Variants in KDM3A observed in about 807,000 individuals in gnomAD.
KDM3A encodes the protein lysine-specific demethylase 3A.
In KDM3A, 60 loss-of-function variants were observed where a neutral mutation model predicts 158.0. That is an observed-to-expected ratio of 0.38 (90% CI 0.31 to 0.47). The LOEUF (loss-of-function observed/expected upper bound fraction) is 0.47. Among genes scored for constraint, KDM3A ranks in the 20% least tolerant of loss-of-function variants. The pLI is 0.99. For synonymous variants in KDM3A, 608 were observed against 549.3 expected (o/e 1.11, Z -1.49); for missense variants, 1,319 against 1,574.3 (o/e 0.84, Z 2.74).
intron 8 of KDM3A, among the ~76,000 whole-genome samples, chr2:86,463,456 A>G (rs1481414127): frequency 3.3e-5 from 5 of 152,190 alleles, no homozygotes; most frequent in African/African-American, 1.2e-4. Flanking sequence ...GGGAACTGGG[A>G]CAGGTGTCCC....
At chr2:86,480,071 T>TA in intron 15 of KDM3A, 96 bp from the exon 16 acceptor site, 1 of 953,508 alleles carries the variant, frequency 1.0e-6, no homozygotes, top group Non-Finnish European at 1.7e-6. Flanking sequence ...TCTGGATATT[T>TA]ATCTTACTTG....
intron 19 of KDM3A, chr2:86,484,645 C>G: frequency 3.2e-6 from 1 of 314,118 alleles, no homozygotes; most frequent in Non-Finnish European, 5.9e-6. Context: ...TAATAAGCTT[C>G]TAGGAAAGAC....
At position 86,457,079 on chromosome 2, in the gene KDM3A, T is replaced by C; in HGVS notation, c.843+8T>C. 6.8e-7 allele frequency: 1 copy of C among 1,476,446 alleles called. No homozygotes were observed. The highest frequency in any genetic ancestry group is 9.2e-7 in the Non-Finnish European group (1 of 1,081,434). The allele number at this position is 1,476,446 out of a possible 1,614,324, so 91.5% of individuals were successfully genotyped here. A position where few individuals can be genotyped will look rare whatever the true frequency, so the allele number is the denominator to read the frequency against. ...GCAAAATCTTGCTCTGAGGTAACCTTTATTTATGTCACTTGTGTAAAGCTT... is the reference window on the plus strand; with the variant it reads ...GCAAAATCTTGCTCTGAGGTAACCTCTATTTATGTCACTTGTGTAAAGCTT... On this transcript the variant is annotated splice_region_variant and intron_variant, in intron 8 of 25. Transcript: ENST00000312912.
At chr2:86,459,640 C>A (rs534950401) in intron 8 of KDM3A, among the ~76,000 whole-genome samples, 1 of 152,174 alleles carries the variant, frequency 6.6e-6, no homozygotes, top group African/African-American at 2.4e-5. Flanking sequence ...AGTGTGTCAG[C>A]AATGAGAAAG....
Position 86,484,127 on chromosome 2 carries a change from A to C in KDM3A, c.3063A>C (p.Gly1021=). The C allele has an allele frequency of 6.2e-7, 1 of 1,613,916 alleles. No individual in the cohort carries two copies. The highest frequency in any genetic ancestry group is 1.3e-5 in the African/African-American group (1 of 75,024). The change falls in exon 19 of 26, where the codon GGA becomes GGC. Residue 1021 remains glycine (G), a synonymous_variant. Coordinates refer to ENST00000312912, the MANE Select transcript of KDM3A (RefSeq NM_018433.6). The part of the protein sequence containing the change: ...TNEIITGATV[G]DFWDGFEDVP... Reference sequence around the variant, plus strand: ...AAATCATCACAGGAGCCACAGTAGGAGACTTCTGGGATGGATTTGAAGATG... The same window carrying C: ...AAATCATCACAGGAGCCACAGTAGGCGACTTCTGGGATGGATTTGAAGATG...
chr2:86,481,443 G>A (rs1276265525), intron 16 of KDM3A, among the ~76,000 whole-genome samples: 1 of 151,466 alleles, frequency 6.6e-6, no homozygotes, highest in Non-Finnish European at 1.5e-5. Context: ...AGTAGAAGTG[G>A]GGTTTTGCCA....
At chr2:86,491,501 T>G (rs1187501615) in intron 25 of KDM3A, 2 of 537,584 alleles carry the variant, frequency 3.7e-6, no homozygotes, top group Non-Finnish European at 6.7e-6. Context: ...TATAAGGGAC[T>G]GTCCCCACAG....
chr2:86,440,543 C>A (rs1273132192), upstream of KDM3A: 5 of 152,146 alleles, frequency 3.3e-5, no homozygotes, highest in Non-Finnish European at 5.9e-5. Context: ...CTTTAAATTT[C>A]TTTGTAAGTA....
chr2:86,463,429 A>C (rs1174886538), intron 8 of KDM3A, among the ~76,000 whole-genome samples: 1 of 151,864 alleles, frequency 6.6e-6, no homozygotes, highest in Non-Finnish European at 1.5e-5. Context: ...TTTTTTGAAG[A>C]TTAAGTTACC....
chr2:86,463,286 G>A (rs1197672243), intron 8 of KDM3A, among the ~76,000 whole-genome samples: 5 of 152,192 alleles, frequency 3.3e-5, no homozygotes, highest in Non-Finnish European at 5.9e-5. Flanking sequence ...GAGGAGCCTG[G>A]TGAAATGGGT....
chr2:86,484,208 C>T, intron 19 of KDM3A, 50 bp downstream of exon 19: 2 of 1,517,434 alleles, frequency 1.3e-6, no homozygotes, highest in Non-Finnish European at 1.8e-6. Context: ...AAGGAGGGGA[C>T]ACAGGAATGG....
At chr2:86,484,212 G>C in intron 19 of KDM3A, 54 bp downstream of exon 19, 1 of 1,496,340 alleles carries the variant, frequency 6.7e-7, no homozygotes, top group Non-Finnish European at 9.1e-7. Flanking sequence ...AGGGGACACA[G>C]GAATGGCAGG....
intron 11 of KDM3A, among the ~76,000 whole-genome samples, chr2:86,474,563 T>A (rs1375173938): frequency 1.3e-5 from 2 of 150,580 alleles, no homozygotes; most frequent in Non-Finnish European, 3.0e-5. Context: ...CGGGGGAAGC[T>A]GAGGCAGGGA....
At chr2:86,464,721 G>A (rs781726928) in intron 9 of KDM3A, among the ~76,000 whole-genome samples, 1 of 152,234 alleles carries the variant, frequency 6.6e-6, no homozygotes, top group Non-Finnish European at 1.5e-5. Context: ...AAATGAGTAC[G>A]AAATGTAAAG....
At position 86,470,349 on chromosome 2, in the gene KDM3A, C is replaced by A; in HGVS notation, c.1665C>A (p.Arg555=). 1 of 1,614,062 alleles carries A rather than the reference C, an allele frequency of 6.2e-7. No homozygotes were observed. The highest frequency in any genetic ancestry group is 8.5e-7 in the Non-Finnish European group (1 of 1,179,974). ...KCRECRLDSL[R]KDKEQQKDSP... ...GAGAGTGTCGCTTGGACAGTCTCCG[C>A]AAGGATAAGGAGCAACAGAAGGACT... The change falls in exon 11 of 26, where the codon CGC becomes CGA. Residue 555 remains arginine (R), a synonymous_variant. Coordinates refer to ENST00000312912, the MANE Select transcript of KDM3A (RefSeq NM_018433.6).
At position 86,456,838 on chromosome 2, in the gene KDM3A, A is replaced by C; in HGVS notation, c.715A>C (p.Ile239Leu). The change falls in exon 7 of 26, where the codon ATT (isoleucine) becomes CTT (leucine). Residue 239 changes from isoleucine to leucine, a missense_variant. Transcript: ENST00000312912. ...PALKIVDPSL[I>L]HVEVVHDNLV... ...ACTGAAAATTGTTGATCCGTCACTG[A>C]TTCATGTTGAAGTTGTACACGATAA... 6.2e-7 allele frequency: 1 copy of C among 1,612,678 alleles called. No individual in the cohort carries two copies. The highest frequency in any genetic ancestry group is 8.5e-7 in the Non-Finnish European group (1 of 1,178,956).
chr2:86,441,902 G>C (rs1404184180), intron 1 of KDM3A, 116 bp from the exon 2 acceptor site: 1 of 745,988 alleles, frequency 1.3e-6, no homozygotes, highest in Non-Finnish European at 2.0e-6. Context: ...GTGCGGGTCC[G>C]CCCGGGGCCG....
At chr2:86,444,348 C>T (rs928210662) in intron 2 of KDM3A, among the ~76,000 whole-genome samples, 1 of 152,158 alleles carries the variant, frequency 6.6e-6, no homozygotes, top group Admixed American at 6.5e-5. Flanking sequence ...TTTTGCCTTA[C>T]TTGTACACAT....
chr2:86,458,965 G>C (rs534779944), intron 8 of KDM3A, among the ~76,000 whole-genome samples: 16 of 151,870 alleles, frequency 1.1e-4, no homozygotes, highest in African/African-American at 3.4e-4. Flanking sequence ...GGTAGCTAAG[G>C]GGGTGGAGAG....
Sources: allele counts gnomAD v4.1 joint callset (sites outside exome capture counted in the v4.1 genomes callset), GRCh38; gene constraint gnomAD v4.1.1; transcripts MANE v1.5; gene names NCBI Gene and HGNC (gene_info 2026-07-23, HGNC 2026-07-21).